The following TAMM41 variants were observed in gnomAD, a reference collection of about 807,000 sequenced individuals.
TAMM41 encodes phosphatidate cytidylyltransferase, mitochondrial.
TAMM41 carries 36 observed loss-of-function variants against 44.1 expected under a neutral mutation model. That is an observed-to-expected ratio of 0.82 (90% confidence interval 0.63 to 1.08). The LOEUF is 1.08. TAMM41 is among the 50% of genes least tolerant of loss of function. TAMM41 has a pLI of 0.00. For missense variants in TAMM41, 417 were observed against 404.3 expected, an observed-to-expected ratio of 1.03 and a Z score of -0.27; for synonymous variants, 164 against 153.1, an observed-to-expected ratio of 1.07 and a Z score of -0.53.
At chr3:11,825,768 C>G (rs2078723648) in intron 4 of TAMM41, among the ~76,000 whole-genome samples, 1 of 152,050 alleles carries the variant, frequency 6.6e-6, no homozygotes, top group African/African-American at 2.4e-5. Context: ...TTCAATCCAT[C>G]TGATCTAAGT....
At chr3:11,744,465 C>A in the TAMM41 span, among the ~76,000 whole-genome samples, 1 of 151,904 alleles carries the variant, frequency 6.6e-6, no homozygotes, top group Admixed American at 6.5e-5. Context: ...GGGGCCAAGG[C>A]TGGTGGATCA....
At chr3:11,774,031 T>C in the TAMM41 span, among the ~76,000 whole-genome samples, 3 of 152,096 alleles carry the variant, frequency 2.0e-5, no homozygotes, top group African/African-American at 7.2e-5. Flanking sequence ...GAGGTTGCAG[T>C]GAGCCAAGAT....
chr3:11,812,103 T>A (rs1299802560), intron 5 of TAMM41, among the ~76,000 whole-genome samples: 1 of 151,954 alleles, frequency 6.6e-6, no homozygotes, highest in Admixed American at 6.6e-5. Flanking sequence ...AATTTTTGTA[T>A]TTTTAGTAGA....
chr3:11,725,386 CCTT>C, the TAMM41 span, among the ~76,000 whole-genome samples: 6 of 135,056 alleles, frequency 4.4e-5, no homozygotes, highest in Non-Finnish European at 7.9e-5. Context: ...TCTTCCTCCT[CCTT>C]CTTTTTCTTC....
At chr3:11,817,053 A>G (rs2078308144) in intron 5 of TAMM41, 139 bp downstream of exon 5, 5 of 842,798 alleles carry the variant, frequency 5.9e-6, no homozygotes, top group Non-Finnish European at 8.7e-6. Flanking sequence ...AGATACACAG[A>G]AGCCTATGTT....
the TAMM41 span, among the ~76,000 whole-genome samples, chr3:11,747,420 T>C: frequency 1.4e-4 from 22 of 152,150 alleles, no homozygotes; most frequent in Middle Eastern, 3.2e-3. Flanking sequence ...GGTGGTTACA[T>C]AGGCATATGT....
downstream of TAMM41, among the ~76,000 whole-genome samples, chr3:11,787,971 C>A (rs2077426541): frequency 6.6e-6 from 1 of 152,202 alleles, no homozygotes; most frequent in Admixed American, 6.5e-5. Flanking sequence ...AAGAATACAT[C>A]TGGGGCAGTG....
the TAMM41 span, among the ~76,000 whole-genome samples, chr3:11,762,119 G>A: frequency 2.2e-4 from 33 of 152,132 alleles, no homozygotes; most frequent in African/African-American, 7.7e-4. Flanking sequence ...CCAGAGCCCT[G>A]CAGGCCCATT....
intron 7 of TAMM41, among the ~76,000 whole-genome samples, chr3:11,803,979 A>T (rs577643182): frequency 3.3e-5 from 5 of 152,346 alleles, no homozygotes; most frequent in African/African-American, 1.2e-4. Flanking sequence ...TATTGGGTAC[A>T]ATATTCACTA....
At chr3:11,794,713 G>A (rs911601492) in intron 7 of TAMM41, among the ~76,000 whole-genome samples, 5 of 152,050 alleles carry the variant, frequency 3.3e-5, no homozygotes, top group Non-Finnish European at 7.4e-5. Flanking sequence ...TAATACACAC[G>A]TAAGACTATG....
the TAMM41 span, among the ~76,000 whole-genome samples, chr3:11,785,048 A>G: frequency 6.6e-6 from 1 of 152,016 alleles, no homozygotes; most frequent in Admixed American, 6.6e-5. Flanking sequence ...GGTGTATGGA[A>G]ATTTACATAT....
chr3:11,769,903 C>T, the TAMM41 span, among the ~76,000 whole-genome samples: 1 of 152,230 alleles, frequency 6.6e-6, no homozygotes, highest in Non-Finnish European at 1.5e-5. Flanking sequence ...CAAAGAGCAT[C>T]ACTCACAGCC....
At chr3:11,801,379 T>A (rs528188588) in intron 7 of TAMM41, among the ~76,000 whole-genome samples, 11 of 152,134 alleles carry the variant, frequency 7.2e-5, no homozygotes, top group Non-Finnish European at 1.3e-4. Flanking sequence ...TCACCCAGGC[T>A]GTGGTGTAAT....
the TAMM41 span, among the ~76,000 whole-genome samples, chr3:11,740,975 C>T: frequency 6.9e-6 from 1 of 144,032 alleles, no homozygotes. Flanking sequence ...AATCCCAGCA[C>T]TTTGGGAGGC....
the TAMM41 span, among the ~76,000 whole-genome samples, chr3:11,758,096 C>T: frequency 6.6e-6 from 1 of 152,038 alleles, no homozygotes; most frequent in Non-Finnish European, 1.5e-5. Flanking sequence ...AGGAGTCAGT[C>T]GGGTGAAAGA....
chr3:11,757,398 C>T, the TAMM41 span, among the ~76,000 whole-genome samples: 2 of 152,118 alleles, frequency 1.3e-5, no homozygotes, highest in Non-Finnish European at 2.9e-5. Flanking sequence ...CGGCCGTCTC[C>T]CCAGGAAAGC....
intron 7 of TAMM41, 57 bp from the exon 8 acceptor site, chr3:11,790,638 G>A: frequency 6.9e-7 from 1 of 1,439,774 alleles, no homozygotes; most frequent in Middle Eastern, 1.7e-4. Context: ...TGGATGCTCA[G>A]AGTTTCAGTG....
At chr3:11,769,542 A>G in the TAMM41 span, among the ~76,000 whole-genome samples, 13 of 152,176 alleles carry the variant, frequency 8.5e-5, no homozygotes, top group African/African-American at 3.1e-4. Context: ...GTGTGAAAGC[A>G]GCCATAAGAC....
intron 2 of TAMM41, 39 bp from the exon 3 acceptor site, chr3:11,839,353 A>T: frequency 7.8e-7 from 1 of 1,280,452 alleles, no homozygotes; most frequent in Non-Finnish European, 1.1e-6. Flanking sequence ...GGAGTAAAAT[A>T]CCATGTTATT....
Sources: allele counts gnomAD v4.1 joint callset (sites outside exome capture counted in the v4.1 genomes callset), GRCh38; gene constraint gnomAD v4.1.1; transcripts MANE v1.5; gene names NCBI Gene and HGNC (gene_info 2026-07-23, HGNC 2026-07-21).